TUSC3: variants seen among roughly 807,000 people sequenced by gnomAD.
The protein encoded by TUSC3 is dolichyl-diphosphooligosaccharide--protein glycosyltransferase subunit TUSC3.
Under a neutral mutation model 44.8 loss-of-function variants are expected in TUSC3, and 45 were observed. That is an observed-to-expected ratio of 1.00 (90% CI 0.79 to 1.29). TUSC3 has a LOEUF of 1.29. Ranked by LOEUF, TUSC3 falls within the 50% of genes most tolerant of loss-of-function variation. The probability of loss-of-function intolerance (pLI) is 0.00; values close to 1 mark genes in which losing one functional copy is unlikely to be tolerated. For synonymous variants in TUSC3, 212 were observed against 152.9 expected (o/e 1.39, Z -2.85); for missense variants, 519 against 437.9 (o/e 1.19, Z -1.65).
chr8:15,738,365 GT>G (rs371626139), intron 7 of TUSC3, among the ~76,000 whole-genome samples: 1 of 152,112 alleles, frequency 6.6e-6, no homozygotes, highest in Non-Finnish European at 1.5e-5. Context: ...ATGGTATACA[GT>G]TTTTTTGACA....
intron 2 of TUSC3, among the ~76,000 whole-genome samples, chr8:15,530,098 A>G (rs1204685735): frequency 6.6e-6 from 1 of 151,928 alleles, no homozygotes; most frequent in African/African-American, 2.4e-5. Flanking sequence ...AAAGTTTTTT[A>G]CACTCCTGTA....
chr8:15,693,653 A>C (rs1163682199), intron 6 of TUSC3, among the ~76,000 whole-genome samples: 1 of 151,640 alleles, frequency 6.6e-6, no homozygotes, highest in Non-Finnish European at 1.5e-5. Flanking sequence ...AGCATTTCAC[A>C]GGGGTTCTCT....
intron 2 of TUSC3, among the ~76,000 whole-genome samples, chr8:15,644,778 A>G (rs986106857): frequency 7.9e-5 from 12 of 152,078 alleles, no homozygotes; most frequent in Admixed American, 2.6e-4. Flanking sequence ...TTTATTTTTA[A>G]TGATATACAG....
At chr8:15,565,821 A>C (rs1802647935) in intron 1 of TUSC3, among the ~76,000 whole-genome samples, 1 of 152,156 alleles carries the variant, frequency 6.6e-6, no homozygotes, top group African/African-American at 2.4e-5. Context: ...AGCAGCCATC[A>C]GCCTAGGTGT....
intron 1 of TUSC3, among the ~76,000 whole-genome samples, chr8:15,441,399 T>G (rs1800019178): frequency 6.6e-6 from 1 of 151,792 alleles, no homozygotes; most frequent in Non-Finnish European, 1.5e-5. Flanking sequence ...ACAGCGAGAC[T>G]CTCTCAAAAA....
intron 1 of TUSC3, among the ~76,000 whole-genome samples, chr8:15,423,426 C>T (rs1563246986): frequency 6.6e-6 from 1 of 152,266 alleles, no homozygotes; most frequent in East Asian, 1.9e-4. Flanking sequence ...TAGTGCGTTC[C>T]ATAAGTCTGT....
intron 2 of TUSC3, among the ~76,000 whole-genome samples, chr8:15,518,027 C>T (rs1387094467): frequency 6.6e-6 from 1 of 151,958 alleles, no homozygotes; most frequent in Non-Finnish European, 1.5e-5. Flanking sequence ...CCTACCTCCT[C>T]CTTACCCCTT....
At chr8:15,486,330 G>T (rs1800732156) in intron 2 of TUSC3, among the ~76,000 whole-genome samples, 2 of 152,170 alleles carry the variant, frequency 1.3e-5, no homozygotes, top group South Asian at 4.1e-4. Flanking sequence ...TAATTAAAAT[G>T]TGGTAACTGA....
intron 6 of TUSC3, among the ~76,000 whole-genome samples, chr8:15,726,160 T>C (rs904704937): frequency 1.3e-5 from 2 of 152,184 alleles, no homozygotes; most frequent in Non-Finnish European, 2.9e-5. Context: ...AAGAATTCAG[T>C]AATAACTTAA....
chr8:15,693,089 G>T (rs1376415490), intron 6 of TUSC3, among the ~76,000 whole-genome samples: 1 of 152,158 alleles, frequency 6.6e-6, no homozygotes, highest in East Asian at 1.9e-4. Flanking sequence ...GCTTACCATT[G>T]GTTCTTGATT....
At chr8:15,672,619 C>T (rs751097208) in intron 5 of TUSC3, among the ~76,000 whole-genome samples, 8 of 151,980 alleles carry the variant, frequency 5.3e-5, no homozygotes, top group Non-Finnish European at 1.2e-4. Flanking sequence ...AGTGGTAGGT[C>T]TTAAGAGCAC....
chr8:15,564,233 T>C (rs1042873532), intron 1 of TUSC3, among the ~76,000 whole-genome samples: 8 of 152,146 alleles, frequency 5.3e-5, no homozygotes, highest in African/African-American at 1.7e-4. Flanking sequence ...GTTATTAATA[T>C]TATGGAGAAT....
intron 6 of TUSC3, among the ~76,000 whole-genome samples, chr8:15,693,441 C>CTTTTTTTTTTTTTT (rs35915071): frequency 1.0e-5 from 1 of 96,894 alleles, no homozygotes. Flanking sequence ...GTTGGAAGTT[C>CTTTTTTTTTTTTTT]TTTTTTTTTT....
chr8:15,438,764 A>G (rs1363803808), intron 1 of TUSC3, among the ~76,000 whole-genome samples: 1 of 152,206 alleles, frequency 6.6e-6, no homozygotes, highest in Admixed American at 6.5e-5. Flanking sequence ...ACTGAAAAAT[A>G]TATTGGGTAA....
chr8:15,730,769 TA>T, intron 7 of TUSC3, 40 bp downstream of exon 7: 1 of 1,583,568 alleles, frequency 6.3e-7, no homozygotes, highest in East Asian at 2.2e-5. Context: ...AAGGGCAAAC[TA>T]AAGCTACATG....
the TUSC3 span, among the ~76,000 whole-genome samples, chr8:15,799,875 A>G: frequency 0.013 from 1,922 of 152,280 alleles, 43 homozygotes; most frequent in African/African-American, 0.044. Flanking sequence ...TCATCAAACA[A>G]CAGCAGCAGC....
rs527467856 is a variant in TUSC3, at chr8:15,507,120, T to C, written n.189+23637T>C. Among the ~76,000 whole-genome samples, 4 of 152,346 alleles carry C rather than the reference T, an allele frequency of 2.6e-5. No homozygotes were observed. In the East Asian group the frequency reaches 7.7e-4, roughly 29 times the overall value. On this transcript the variant is annotated intron_variant and non_coding_transcript_variant, in intron 2 of 5. Coordinates refer to the TUSC3 transcript ENST00000503191. ...TAACTTGCCTTCTGTAAGTTGATTTTTTTGGCCAGCCTTCAGAGGGCCAAG... is the reference window on the plus strand; with the variant it reads ...TAACTTGCCTTCTGTAAGTTGATTTCTTTGGCCAGCCTTCAGAGGGCCAAG...
chr8:15,536,710 A>G (rs1368020410), upstream of TUSC3, among the ~76,000 whole-genome samples: 6 of 126,944 alleles, frequency 4.7e-5, no homozygotes, highest in Non-Finnish European at 8.3e-5. Flanking sequence ...AAAAAAAAAA[A>G]AAAAAAAAAA....
chr8:15,768,706 C>T (rs1487477676), downstream of TUSC3, among the ~76,000 whole-genome samples: 1 of 152,126 alleles, frequency 6.6e-6, no homozygotes, highest in Non-Finnish European at 1.5e-5. Flanking sequence ...CATCTCAGCC[C>T]CAAATCCCCT....
Sources: allele counts gnomAD v4.1 joint callset (sites outside exome capture counted in the v4.1 genomes callset), GRCh38; gene constraint gnomAD v4.1.1; transcripts MANE v1.5; gene names NCBI Gene and HGNC (gene_info 2026-07-23, HGNC 2026-07-21).